The following EVPL variants were observed in gnomAD, a reference collection of about 807,000 sequenced individuals.
EVPL encodes envoplakin.
In EVPL, 94 loss-of-function variants were observed where a neutral mutation model predicts 129.7. The ratio of observed to expected loss-of-function variants is 0.72; its 90% CI spans 0.61 to 0.86. The LOEUF is 0.86. Among genes scored for constraint, EVPL ranks in the 40% least tolerant of loss-of-function variants. The pLI, the probability that EVPL is intolerant of heterozygous loss-of-function variation, is 0.00. For synonymous variants in EVPL, 1,172 were observed against 1,191.1 expected, an observed-to-expected ratio of 0.98 and a Z score of 0.33; for missense variants, 2,625 against 2,721.1, an observed-to-expected ratio of 0.96 and a Z score of 0.79.
In EVPL at chr17:76,017,719, C is replaced by A. The variant is rs1289347821; in HGVS notation, c.1710+20G>T. ...CGGGCCGCTTCTCATCCCAGCCGCC[C>A]CTTCCCGCTGCTCACCCACCTCATG... On this transcript the variant is annotated intron_variant, in intron 14 of 21. Coordinates refer to ENST00000301607, the MANE Select transcript of EVPL (RefSeq NM_001988.4). The A allele has an allele frequency of 1.2e-6, 2 of 1,605,200 alleles. No homozygotes were observed. Among genetic ancestry groups the A allele is most frequent in the Non-Finnish European group, 1.7e-6 (2 of 1,176,498 alleles).
chr17:76,026,227 A>C (rs973075757), intron 1 of EVPL, among the ~76,000 whole-genome samples: 1 of 143,580 alleles, frequency 7.0e-6, no homozygotes, highest in African/African-American at 2.6e-5. Flanking sequence ...TGCAGGCGTG[A>C]GGTATTGCGC....
intron 14 of EVPL, among the ~76,000 whole-genome samples, chr17:76,015,979 A>G (rs1747618916): frequency 6.6e-6 from 1 of 152,084 alleles, no homozygotes; most frequent in Non-Finnish European, 1.5e-5. Context: ...CCCTGTCTCT[A>G]CTAAAAATAC....
rs1253876206 is a variant in EVPL, at chr17:76,015,435, C to T, written c.1889+15G>A. On this transcript the variant is annotated intron_variant, in intron 15 of 21. Transcript: ENST00000301607. ...CTGCTGCCCTGCGTGGCTGCCCTGT[C>T]CCCAGAGCACTCACTTCTCCCCGTA... The T allele has an allele frequency of 3.1e-6, 5 of 1,609,946 alleles. No individual in the cohort carries two copies. The highest frequency in any genetic ancestry group is 4.2e-6 in the Non-Finnish European group (5 of 1,177,934).
rs748273790 is a variant in EVPL at position 76,007,578 on chromosome 17, C to T, written c.5627G>A (p.Arg1876His). 1.2e-5 allele frequency: 20 copies of T among 1,613,926 alleles called. No homozygotes were observed. Among genetic ancestry groups the T allele is most frequent in the African/African-American group, 5.3e-5 (4 of 74,952 alleles). ...GGIVDLLSRE[R>H]YSVHKAMERG... Reference sequence around the variant, plus strand: ...CTCCATCGCCTTGTGCACAGAGTAGCGCTCACGGCTGAGCAGGTCCACGAT... The same window carrying T: ...CTCCATCGCCTTGTGCACAGAGTAGTGCTCACGGCTGAGCAGGTCCACGAT... The change falls in exon 22 of 22, where the codon CGC becomes CAC. Residue 1876 changes from arginine to histidine, a missense_variant. Around this residue, in one of 4 missense-constraint regions of EVPL, gnomAD observed 1,453 missense variants for 1,511.8 expected, o/e 0.96. Coordinates refer to ENST00000301607, the MANE Select transcript of EVPL (RefSeq NM_001988.4). The surrounding 1 kb of genome is among the most constrained non-coding windows in gnomAD (Gnocchi z 8.8).
At chr17:76,011,364 A>T (rs1007677839) in intron 21 of EVPL, among the ~76,000 whole-genome samples, 1 of 152,182 alleles carries the variant, frequency 6.6e-6, no homozygotes, top group African/African-American at 2.4e-5. Context: ...TAACCCTGGG[A>T]TGGACACCAG....
Position 76,007,321 on chromosome 17 carries a change from C to T in EVPL, c.5884G>A (p.Gly1962Arg), listed in dbSNP as rs200693370. ...TGGGCCAGCTCTTCACTGATCATCC[C>T]GGAGAGGAGGGCCTGCTGGATGGGG... ...RIPIQQALLS[G>R]MISEELAQLL... is the part of the protein sequence containing the mutation. The change falls in exon 22 of 22, where the codon GGG becomes AGG. Residue 1962 changes from glycine (G) to arginine (R), a missense_variant. Around this residue, in one of 4 missense-constraint regions of EVPL, gnomAD observed 1,453 missense variants for 1,511.8 expected, o/e 0.96. Transcript: ENST00000301607. This position sits in a 1 kb window ranked among gnomAD's most constrained non-coding sequence, Gnocchi z 8.8. The T allele has an allele frequency of 1.5e-4, 237 of 1,561,916 alleles. No homozygotes were observed. Among genetic ancestry groups the T allele is most frequent in the Non-Finnish European group, 1.7e-4 (194 of 1,150,436 alleles).
Position 76,015,285 on chromosome 17 carries a change from T to C in EVPL, c.1970A>G (p.Gln657Arg), listed in dbSNP as rs767925377. 2 of 1,602,414 alleles carry C rather than the reference T, an allele frequency of 1.2e-6. No individual in the cohort carries two copies. Among genetic ancestry groups the C allele is most frequent in the Non-Finnish European group, 1.7e-6 (2 of 1,178,746 alleles). Residue 657 changes from glutamine (Q) to arginine (R), a missense_variant, in exon 16 of 22, where the codon CAG (glutamine) becomes CGG (arginine). Gln to Arg is a conservative substitution (Grantham distance 43). Around this residue, in one of 4 missense-constraint regions of EVPL, gnomAD observed 1,024 missense variants for 997.5 expected, o/e 1.03. Transcript: ENST00000301607. ...VIRGFEATLV[Q>R]EAPIPAEPGA... ...CGGTTCAGCAGGGATGGGGGCCTCCTGCACCAGGGTGGCCTCGAAGCCTCG... is the reference window on the plus strand; with the variant it reads ...CGGTTCAGCAGGGATGGGGGCCTCCCGCACCAGGGTGGCCTCGAAGCCTCG...
Position 76,008,947 on chromosome 17 carries a change from C to T in EVPL, c.4258G>A (p.Glu1420Lys). ...QQLRAGVEEQ[E>K]GLLSFQEDRS... is the part of the protein sequence containing the mutation. ...TCCTCCTGGAAGCTGAGCAGGCCCTCCTGCTCCTCCACGCCGGCCCGCAGC... is the reference window on the plus strand; with the variant it reads ...TCCTCCTGGAAGCTGAGCAGGCCCTTCTGCTCCTCCACGCCGGCCCGCAGC... The change falls in exon 22 of 22, where the codon GAG becomes AAG. Residue 1420 changes from glutamate (E) to lysine (K), a missense_variant. Around this residue, in one of 4 missense-constraint regions of EVPL, gnomAD observed 1,453 missense variants for 1,511.8 expected, o/e 0.96. Coordinates refer to ENST00000301607, the MANE Select transcript of EVPL (RefSeq NM_001988.4). The surrounding 1 kb of genome is among the most constrained non-coding windows in gnomAD (Gnocchi z 7.4). 1 of 1,612,208 alleles carries T rather than the reference C, an allele frequency of 6.2e-7. No homozygotes were observed. The highest frequency in any genetic ancestry group is 8.5e-7 in the Non-Finnish European group (1 of 1,179,992).
intron 1 of EVPL, among the ~76,000 whole-genome samples, chr17:76,026,550 G>A (rs1159208556): frequency 6.6e-6 from 1 of 152,152 alleles, no homozygotes; most frequent in Non-Finnish European, 1.5e-5. Flanking sequence ...CAAGGCCCTG[G>A]GTGAGAACTC....
Position 76,009,171 on chromosome 17 carries a change from C to G in EVPL, c.4034G>C (p.Arg1345Pro), listed in dbSNP as rs373479315. The change falls in exon 22 of 22, where the codon CGG (arginine) becomes CCG (proline). Residue 1345 changes from arginine to proline, a missense_variant. Arg to Pro is a moderately radical substitution (Grantham distance 103). Coordinates refer to ENST00000301607, the MANE Select transcript of EVPL (RefSeq NM_001988.4). This position sits in a 1 kb window ranked among gnomAD's most constrained non-coding sequence, Gnocchi z 5.9. Reference sequence around the variant, plus strand: ...CTCGTACACCGCGTCCTCCGCGGCCCGCCTCTTCTGGGCCGCCTCCCGCAC... The same window carrying G: ...CTCGTACACCGCGTCCTCCGCGGCCGGCCTCTTCTGGGCCGCCTCCCGCAC... Reference protein sequence around the residue: ...QEVREAAQKRRAAEDAVYELQ... With the variant: ...QEVREAAQKRPAAEDAVYELQ... 7 of 1,611,486 alleles carry G rather than the reference C, an allele frequency of 4.3e-6. No homozygotes were observed. The African/African-American group carries it at 6.7e-5, about 15-fold the overall frequency.
At chr17:76,023,953 G>A in intron 2 of EVPL, 68 bp downstream of exon 2, 1 of 1,546,332 alleles carries the variant, frequency 6.5e-7, no homozygotes, top group Non-Finnish European at 8.8e-7. Flanking sequence ...GGGAGTGCCA[G>A]GCCTGATGAT....
chr17:76,006,932 T>C lies in EVPL; in HGVS notation c.*171A>G. On this transcript the variant is annotated 3_prime_UTR_variant, in exon 22 of 22. Transcript: ENST00000301607. ...GCTGCTGTCCTGGTCTGGGGATGGA[T>C]CAGGCACCAAGGTTAGGGGAGGGAG... 1 of 673,954 alleles carries C rather than the reference T, an allele frequency of 1.5e-6. No individual in the cohort carries two copies. The highest frequency in any genetic ancestry group is 2.1e-6 in the Non-Finnish European group (1 of 472,082). 41.7% of individuals were successfully genotyped at this position (673,954 alleles called of 1,614,324 possible). A position where few individuals can be genotyped will look rare whatever the true frequency, so the allele number is the denominator to read the frequency against.
intron 14 of EVPL, among the ~76,000 whole-genome samples, chr17:76,017,167 C>T (rs1010302687): frequency 2.0e-5 from 3 of 152,018 alleles, no homozygotes; most frequent in Non-Finnish European, 2.9e-5. Context: ...GAGCCAAGAT[C>T]GTGCCACTGC....
Position 76,009,751 on chromosome 17 carries a change from A to G in EVPL, c.3454T>C (p.Ser1152Pro). 6.2e-7 allele frequency: 1 copy of G among 1,610,424 alleles called. No homozygotes were observed. Among genetic ancestry groups the G allele is most frequent in the Non-Finnish European group, 8.5e-7 (1 of 1,179,054 alleles). ...TCGAGGAGGCTCCTCAGCCTGGAGG[A>G]CTCCTGGAGGAGCCCTGGGTCCTGC... ...VEQDPGLLQE[S>P]SRLRSLLEEE... Residue 1152 changes from serine to proline, a missense_variant, in exon 22 of 22, where the codon TCC (serine) becomes CCC (proline). Ser to Pro is a moderately conservative substitution (Grantham distance 74). Around this residue, in one of 4 missense-constraint regions of EVPL, gnomAD observed 1,453 missense variants for 1,511.8 expected, o/e 0.96. Coordinates refer to ENST00000301607, the MANE Select transcript of EVPL (RefSeq NM_001988.4). The surrounding 1 kb of genome is among the most constrained non-coding windows in gnomAD (Gnocchi z 5.9).
rs1335212748 is a variant in EVPL at position 76,009,707 on chromosome 17, G to A, written c.3498C>T (p.Asn1166=). Residue 1166 remains asparagine (N), a synonymous_variant, in exon 22 of 22, where the codon AAC becomes AAT. Coordinates refer to ENST00000301607, the MANE Select transcript of EVPL (RefSeq NM_001988.4). The surrounding 1 kb of genome is among the most constrained non-coding windows in gnomAD (Gnocchi z 5.9). ...RSLLEEERTK[N]ATLARELSDL... is the part of the protein sequence containing the mutation. Reference sequence around the variant, plus strand: ...CGCTCAGCTCCCTGGCCAGCGTCGCGTTCTTGGTCCTCTCCTCCTCGAGGA... The same window carrying A: ...CGCTCAGCTCCCTGGCCAGCGTCGCATTCTTGGTCCTCTCCTCCTCGAGGA... The A allele has an allele frequency of 5.0e-6, 8 of 1,613,440 alleles. No individual in the cohort carries two copies. The highest frequency in any genetic ancestry group is 4.0e-5 in the African/African-American group (3 of 74,926).
intron 18 of EVPL, among the ~76,000 whole-genome samples, chr17:76,014,105 C>T (rs1032438137): frequency 2.0e-4 from 30 of 152,216 alleles, no homozygotes; most frequent in Admixed American, 9.2e-4. Flanking sequence ...ACCTCCCCCA[C>T]CAGGCTGGGA....
At chr17:76,023,881 G>T (rs900651628) in intron 2 of EVPL, 140 bp downstream of exon 2, 27 of 1,256,818 alleles carry the variant, frequency 2.1e-5, no homozygotes, top group Non-Finnish European at 2.9e-5. Context: ...CGTGTGTTAG[G>T]GGATGGGCGG....
chr17:76,012,001 C>T lies in EVPL; in HGVS notation c.2457+5G>A. 6.2e-7 allele frequency: 1 copy of T among 1,612,500 alleles called. No homozygotes were observed. The highest frequency in any genetic ancestry group is 8.5e-7 in the Non-Finnish European group (1 of 1,179,318). On this transcript the variant is annotated splice_donor_5th_base_variant and intron_variant, in intron 19 of 21. Coordinates refer to ENST00000301607, the MANE Select transcript of EVPL (RefSeq NM_001988.4). ...AGAGGGGCAAGCTGAAGGCAAGCTG[C>T]TTACCTGGAGCGCTGCCTGCAGGGC...
chr17:76,021,623 C>CT (rs2066459387), intron 8 of EVPL, 51 bp downstream of exon 8: 2 of 1,528,556 alleles, frequency 1.3e-6, no homozygotes, highest in Non-Finnish European at 1.8e-6. Context: ...CCCACCTCCC[C>CT]CCTTCCCCGC....
Sources: allele counts gnomAD v4.1 joint callset (sites outside exome capture counted in the v4.1 genomes callset), GRCh38; gene constraint gnomAD v4.1.1; regional missense constraint gnomAD v4.1.1; non-coding constraint Gnocchi (gnomAD v3.1); transcripts MANE v1.5; gene names NCBI Gene and HGNC (gene_info 2026-07-23, HGNC 2026-07-21).